RPS6KA5: variants seen among roughly 807,000 people sequenced by gnomAD.
RPS6KA5 encodes ribosomal protein S6 kinase alpha-5.
A neutral mutation model predicts 85.5 loss-of-function variants in RPS6KA5; 27 were observed. The ratio of observed to expected loss-of-function variants is 0.32; its 90% CI spans 0.23 to 0.44. The LOEUF (loss-of-function observed/expected upper bound fraction) is 0.44. RPS6KA5 is among the 20% of genes least tolerant of loss of function. The probability of loss-of-function intolerance (pLI) is 1.00; values close to 1 mark genes in which losing one functional copy is unlikely to be tolerated. For synonymous variants in RPS6KA5, 334 were observed against 348.2 expected, an observed-to-expected ratio of 0.96 and a Z score of 0.46; for missense variants, 811 against 980.9, an observed-to-expected ratio of 0.83 and a Z score of 2.31.
intron 1 of RPS6KA5, among the ~76,000 whole-genome samples, chr14:91,017,102 A>C (rs1364259727): frequency 6.6e-6 from 1 of 152,134 alleles, no homozygotes; most frequent in Non-Finnish European, 1.5e-5. Flanking sequence ...AGCAACATGG[A>C]CTTCTACTCA....
chr14:90,997,687 T>G (rs2140561850), intron 2 of RPS6KA5, among the ~76,000 whole-genome samples: 1 of 152,226 alleles, frequency 6.6e-6, no homozygotes, highest in East Asian at 1.9e-4. Context: ...ATGTGGTATA[T>G]CTGTACAATG....
intron 2 of RPS6KA5, among the ~76,000 whole-genome samples, chr14:90,987,163 C>T (rs901592007): frequency 6.6e-6 from 1 of 152,084 alleles, no homozygotes; most frequent in East Asian, 1.9e-4. Flanking sequence ...AGTGGGTATA[C>T]ACATACACAA....
rs1200906130 is a variant in RPS6KA5 at position 90,881,657 on chromosome 14, C to T, written c.1837-6297G>A. Reference sequence around the variant, plus strand: ...CTGGGATTACAGGCACACACCACCACGCCTGGATAACTTTTGTATTTTTCG... The same window carrying T: ...CTGGGATTACAGGCACACACCACCATGCCTGGATAACTTTTGTATTTTTCG... On this transcript the variant is annotated intron_variant, in intron 14 of 16. Coordinates refer to ENST00000614987, the MANE Select transcript of RPS6KA5 (RefSeq NM_004755.4). 2.6e-5 allele frequency among the ~76,000 whole-genome samples: 4 copies of T among 151,972 alleles called. No individual in the cohort carries two copies. In the East Asian group the frequency reaches 7.8e-4, roughly 30 times the overall value.
At chr14:90,946,976 A>T (rs1342649985) in intron 4 of RPS6KA5, among the ~76,000 whole-genome samples, 1 of 152,226 alleles carries the variant, frequency 6.6e-6, no homozygotes, top group Non-Finnish European at 1.5e-5. Flanking sequence ...TGTCAGGGAC[A>T]AAACAAATGG....
chr14:91,044,385 GA>G (rs1276770839), intron 1 of RPS6KA5, among the ~76,000 whole-genome samples: 3 of 18,598 alleles, frequency 1.6e-4, no homozygotes, highest in Non-Finnish European at 3.6e-4. Flanking sequence ...AGGAAAGAAA[GA>G]AAGAAGGAAA....
intron 14 of RPS6KA5, among the ~76,000 whole-genome samples, chr14:90,885,741 C>CAAAAAAAAAAAAACAA (rs2034167243): frequency 3.6e-5 from 1 of 27,874 alleles, no homozygotes; most frequent in Non-Finnish European, 5.6e-5. Context: ...GACTCCATCT[C>CAAAAAAAAAAAAACAA]AAAAAAAAAA....
intron 12 of RPS6KA5, among the ~76,000 whole-genome samples, chr14:90,897,872 A>G (rs2034926872): frequency 6.6e-6 from 1 of 152,144 alleles, no homozygotes; most frequent in African/African-American, 2.4e-5. Context: ...ATCATCTTCA[A>G]CAGGAGACTG....
intron 5 of RPS6KA5, among the ~76,000 whole-genome samples, chr14:90,938,311 A>C (rs2037386474): frequency 6.6e-6 from 1 of 152,228 alleles, no homozygotes; most frequent in African/African-American, 2.4e-5. Flanking sequence ...TTTGCAGGGT[A>C]CAGTCCCCCT....
intron 3 of RPS6KA5, among the ~76,000 whole-genome samples, chr14:90,962,406 T>C (rs1452779303): frequency 6.6e-6 from 1 of 151,714 alleles, no homozygotes; most frequent in Non-Finnish European, 1.5e-5. Context: ...TGGGCTCAAA[T>C]GATCCTCCTG....
intron 5 of RPS6KA5, among the ~76,000 whole-genome samples, chr14:90,926,023 A>G (rs539951743): frequency 5.3e-5 from 8 of 152,206 alleles, no homozygotes; most frequent in Admixed American, 2.0e-4. Flanking sequence ...GAGGCAATAA[A>G]AAAGGCAGAC....
chr14:90,923,816 T>C (rs2036526615), intron 5 of RPS6KA5, among the ~76,000 whole-genome samples: 2 of 152,296 alleles, frequency 1.3e-5, no homozygotes, highest in East Asian at 1.9e-4. Context: ...TTCTTAAAGA[T>C]AGATGTTTCC....
intron 1 of RPS6KA5, among the ~76,000 whole-genome samples, chr14:91,057,913 C>T (rs1267053497): frequency 6.6e-6 from 1 of 152,160 alleles, no homozygotes; most frequent in African/African-American, 2.4e-5. Flanking sequence ...GCTGCAGAGA[C>T]GGGATTTAGA....
intron 1 of RPS6KA5, among the ~76,000 whole-genome samples, chr14:91,045,130 AC>A: frequency 6.6e-6 from 1 of 152,328 alleles, no homozygotes; most frequent in South Asian, 2.1e-4. Context: ...ATTACAAGCC[AC>A]TACATTTGTG....
rs761457164 is a variant in RPS6KA5 at position 90,860,810 on chromosome 14, G to A, written c.*11264C>T. Reference sequence around the variant, plus strand: ...CTCCAGATGAAGAAAAGTAATCCCAGATGGAAGTAAAAAAGGCAGGATGGA... The same window carrying A: ...CTCCAGATGAAGAAAAGTAATCCCAAATGGAAGTAAAAAAGGCAGGATGGA... On this transcript the variant is annotated 3_prime_UTR_variant, in exon 17 of 17. Transcript: ENST00000614987. 6.6e-6 allele frequency: 1 copy of A among 150,868 alleles called. No individual in the cohort carries two copies. The allele number at this position is 150,868 out of a possible 1,614,324, so 9.3% of individuals were successfully genotyped here.
chr14:90,973,315 C>G (rs1172637025), intron 3 of RPS6KA5, among the ~76,000 whole-genome samples: 1 of 151,910 alleles, frequency 6.6e-6, no homozygotes, highest in Admixed American at 6.6e-5. Flanking sequence ...TGGTGGCATG[C>G]ATCTGTAGTC....
chr14:90,900,604 T>C lies in RPS6KA5; in HGVS notation c.1245+7A>G. The stretch of plus-strand genomic sequence containing the variant: ...AATATGTCATATAAGTTACCACATC[T>C]ATATACCTTCATCATTGCACTCCTG... On this transcript the variant is annotated splice_region_variant and intron_variant, in intron 10 of 16. Coordinates refer to ENST00000614987, the MANE Select transcript of RPS6KA5 (RefSeq NM_004755.4). 1 of 1,612,352 alleles carries C rather than the reference T, an allele frequency of 6.2e-7. No homozygotes were observed. Among genetic ancestry groups the C allele is most frequent in the Non-Finnish European group, 8.5e-7 (1 of 1,179,434 alleles).
chr14:90,923,037 G>T, intron 6 of RPS6KA5, 76 bp downstream of exon 6: 3 of 1,050,872 alleles, frequency 2.9e-6, no homozygotes, highest in South Asian at 2.7e-5. Flanking sequence ...TTGAAGAGAT[G>T]ACCTAAGTTG....
intron 2 of RPS6KA5, among the ~76,000 whole-genome samples, chr14:90,991,187 T>C (rs139967895): frequency 1.5e-3 from 228 of 152,318 alleles, no homozygotes; most frequent in African/African-American, 4.8e-3. Flanking sequence ...CACGAAAATG[T>C]TGTATTTTAG....
chr14:91,034,841 G>C (rs569943708), intron 1 of RPS6KA5, among the ~76,000 whole-genome samples: 4 of 152,102 alleles, frequency 2.6e-5, no homozygotes, highest in Non-Finnish European at 5.9e-5. Context: ...AATAAATTTC[G>C]GACACAGTGA....
Sources: allele counts gnomAD v4.1 joint callset (sites outside exome capture counted in the v4.1 genomes callset), GRCh38; gene constraint gnomAD v4.1.1; transcripts MANE v1.5; gene names NCBI Gene and HGNC (gene_info 2026-07-23, HGNC 2026-07-21).